The following RFWD3 variants were observed in gnomAD, a reference collection of about 807,000 sequenced individuals.
The protein encoded by RFWD3 is E3 ubiquitin-protein ligase RFWD3.
Under a neutral mutation model 87.7 loss-of-function variants are expected in RFWD3, and 65 were observed. The observed-to-expected ratio is 0.74, with a 90% CI of 0.61 to 0.91. RFWD3 has a LOEUF of 0.91. RFWD3 is among the 40% of genes least tolerant of loss of function. The probability of loss-of-function intolerance (pLI) is 0.00; values close to 1 mark genes in which losing one functional copy is unlikely to be tolerated. For missense variants in RFWD3, 1,078 were observed against 938.5 expected (o/e 1.15, Z -1.94); for synonymous variants, 433 against 352.8 (o/e 1.23, Z -2.55).
At chr16:74,637,017 C>T (rs910136550) in intron 7 of RFWD3, among the ~76,000 whole-genome samples, 1 of 149,752 alleles carries the variant, frequency 6.7e-6, no homozygotes, top group Non-Finnish European at 1.5e-5. Context: ...CCGGCCAGAA[C>T]TGCTGAGTTT....
chr16:74,626,618 C>A, intron 11 of RFWD3, 64 bp from the exon 12 acceptor site: 1 of 1,304,940 alleles, frequency 7.7e-7, no homozygotes, highest in Non-Finnish European at 1.1e-6. Flanking sequence ...ACCAAGTACC[C>A]AAACCTCACA....
intron 8 of RFWD3, among the ~76,000 whole-genome samples, chr16:74,634,815 A>G (rs1959180059): frequency 6.8e-6 from 1 of 148,014 alleles, no homozygotes. Flanking sequence ...AGGAAAAAAA[A>G]AGGGGGGAAG....
At chr16:74,637,708 T>G in intron 7 of RFWD3, 148 bp downstream of exon 7, 1 of 579,922 alleles carries the variant, frequency 1.7e-6, no homozygotes, top group Non-Finnish European at 3.2e-6. Context: ...ACAGATGCCC[T>G]AATCAGAAAT....
chr16:74,630,849 A>G lies in RFWD3; in HGVS notation c.1686T>C (p.Gly562=). ...ANYIYAGLAN[G]SILVYDVRNT... is the part of the protein sequence containing the mutation. The stretch of plus-strand genomic sequence containing the variant: ...TTCGCACGTCATATACCAGAATTGA[A>G]CCATTGGCCAGTCCAGCATAGATGT... The change falls in exon 10 of 13, where the codon GGT becomes GGC. Residue 562 remains glycine, a synonymous_variant. Coordinates refer to ENST00000361070, the MANE Select transcript of RFWD3 (RefSeq NM_018124.4). 2 of 1,613,916 alleles carry G rather than the reference A, an allele frequency of 1.2e-6. No individual in the cohort carries two copies. The highest frequency in any genetic ancestry group is 1.7e-6 in the Non-Finnish European group (2 of 1,179,936).
In RFWD3 at chr16:74,666,848, C is replaced by A. The variant is rs943030303; in HGVS notation, c.-65G>T. The A allele has an allele frequency of 6.6e-6, 1 of 152,456 alleles. No individual in the cohort carries two copies. The highest frequency in any genetic ancestry group is 1.9e-4 in the East Asian group (1 of 5,200). The allele number at this position is 152,456 out of a possible 1,614,324, so 9.4% of individuals were successfully genotyped here. On this transcript the variant is annotated 5_prime_UTR_variant, in exon 1 of 13. Coordinates refer to ENST00000361070, the MANE Select transcript of RFWD3 (RefSeq NM_018124.4). ...CCGAAGACTCGGTAGTTACCTCGGC[C>A]GCACTCCGAATGCACCTACGCCAAC...
At chr16:74,656,337 GA>G (rs1960986615) in intron 2 of RFWD3, among the ~76,000 whole-genome samples, 1 of 134,394 alleles carries the variant, frequency 7.4e-6, no homozygotes, top group African/African-American at 2.7e-5. Flanking sequence ...AAAAAGAAAA[GA>G]AAAGAAATAT....
chr16:74,643,182 T>C (rs1959804688), intron 6 of RFWD3, among the ~76,000 whole-genome samples: 1 of 152,178 alleles, frequency 6.6e-6, no homozygotes, highest in Admixed American at 6.5e-5. Flanking sequence ...ATAGGATCTA[T>C]GTTGGCCAGG....
At chr16:74,659,741 A>G (rs192284087) in intron 2 of RFWD3, among the ~76,000 whole-genome samples, 1 of 152,362 alleles carries the variant, frequency 6.6e-6, no homozygotes, top group Admixed American at 6.5e-5. Context: ...GATCCATGAA[A>G]AAGAATGCTG....
At chr16:74,631,518 G>A (rs569332596) in intron 9 of RFWD3, among the ~76,000 whole-genome samples, 238 of 151,818 alleles carry the variant, frequency 1.6e-3, no homozygotes, top group African/African-American at 5.6e-3. Flanking sequence ...ACTCTGGTAT[G>A]TAACATTTTT....
intron 1 of RFWD3, among the ~76,000 whole-genome samples, chr16:74,665,063 T>C (rs1428384321): frequency 6.6e-6 from 1 of 152,154 alleles, no homozygotes; most frequent in Non-Finnish European, 1.5e-5. Context: ...CTTGTCATCT[T>C]TGTTACTCAG....
At chr16:74,624,313 C>T (rs1958855239) in intron 12 of RFWD3, among the ~76,000 whole-genome samples, 1 of 152,194 alleles carries the variant, frequency 6.6e-6, no homozygotes, top group Non-Finnish European at 1.5e-5. Flanking sequence ...TAAAGCCCAG[C>T]TTCCATTCAT....
Position 74,661,162 on chromosome 16 carries a change from T to C in RFWD3, c.288A>G (p.Pro96=). ...LGEDTVENIN[P]RTSEQHRQGS... is the part of the protein sequence containing the mutation. ...CCTGCCTATGTTGTTCTGAAGTTCTTGGATTGATGTTCTCCACAGTGTCTT... is the reference window on the plus strand; with the variant it reads ...CCTGCCTATGTTGTTCTGAAGTTCTCGGATTGATGTTCTCCACAGTGTCTT... Residue 96 remains proline (P), a synonymous_variant, in exon 2 of 13, where the codon CCA becomes CCG. Coordinates refer to ENST00000361070, the MANE Select transcript of RFWD3 (RefSeq NM_018124.4). 2.5e-6 allele frequency: 4 copies of C among 1,614,242 alleles called. No homozygotes were observed. The highest frequency in any genetic ancestry group is 3.4e-6 in the Non-Finnish European group (4 of 1,180,040).
intron 4 of RFWD3, among the ~76,000 whole-genome samples, chr16:74,648,052 T>A (rs932294652): frequency 5.9e-5 from 9 of 152,126 alleles, no homozygotes; most frequent in African/African-American, 2.2e-4. Flanking sequence ...GCTCAAGTAA[T>A]CCTGTCTCAG....
chr16:74,649,314 CT>C (rs1960403513), intron 3 of RFWD3, 112 bp from the exon 4 acceptor site: 1 of 669,126 alleles, frequency 1.5e-6, no homozygotes, highest in Non-Finnish European at 2.5e-6. Context: ...CCATTTCTAA[CT>C]GACAGTGTTC....
At chr16:74,647,754 G>A (rs1483400307) in intron 4 of RFWD3, among the ~76,000 whole-genome samples, 1 of 151,692 alleles carries the variant, frequency 6.6e-6, no homozygotes, top group Non-Finnish European at 1.5e-5. Flanking sequence ...AACATACCCA[G>A]CTAATCTTTG....
Position 74,628,495 on chromosome 16 carries a change from C to A in RFWD3, c.1926G>T (p.Gln642His). ...GACAGTGCCGGGAGCTGTTCTCTGT[C>A]TGAAAGTCTATGCAGCCCCCTGGCT... Reference protein sequence around the residue: ...PLEPGGCIDFQTENSSRHCLV... With the variant: ...PLEPGGCIDFHTENSSRHCLV... The change falls in exon 11 of 13, where the codon CAG becomes CAT. Residue 642 changes from glutamine (Q) to histidine (H), a missense_variant. By Grantham distance (24) the Gln-to-His change is conservative. Coordinates refer to ENST00000361070, the MANE Select transcript of RFWD3 (RefSeq NM_018124.4). 2 of 1,614,174 alleles carry A rather than the reference C, an allele frequency of 1.2e-6. No homozygotes were observed. Among genetic ancestry groups the A allele is most frequent in the Non-Finnish European group, 1.7e-6 (2 of 1,180,026 alleles).
At chr16:74,651,062 T>C (rs1466637597) in intron 3 of RFWD3, among the ~76,000 whole-genome samples, 2 of 152,166 alleles carry the variant, frequency 1.3e-5, no homozygotes, top group African/African-American at 4.8e-5. Context: ...TTTTGGAAAA[T>C]TATATAAATA....
Position 74,636,471 on chromosome 16 carries a change from T to C in RFWD3, c.1301A>G (p.His434Arg). ...CSPSSQGQHKHKYHFQKTFTV... is the reference protein window; with the variant it reads ...CSPSSQGQHKRKYHFQKTFTV... ...GAAGGTCTTTTGGAAGTGGTACTTG[T>C]GCTTGTGCTGGCCCTGGCTGGAGGG... Residue 434 changes from histidine to arginine, a missense_variant, in exon 8 of 13, where the codon CAC (histidine) becomes CGC (arginine). Transcript: ENST00000361070. The C allele has an allele frequency of 6.2e-7, 1 of 1,614,154 alleles. No individual in the cohort carries two copies. Among genetic ancestry groups the C allele is most frequent in the South Asian group, 1.1e-5 (1 of 91,080 alleles).
chr16:74,633,901 G>A (rs1401682103), intron 8 of RFWD3, among the ~76,000 whole-genome samples: 1 of 151,034 alleles, frequency 6.6e-6, no homozygotes, highest in Non-Finnish European at 1.5e-5. Flanking sequence ...AATGAGCTGA[G>A]ATCACACCCC....
Sources: gnomAD v4.1 joint callset for allele counts (sites outside exome capture counted in the v4.1 genomes callset) on GRCh38, gnomAD v4.1.1 for gene constraint, MANE v1.5 for transcripts, NCBI Gene and HGNC (gene_info 2026-07-23, HGNC 2026-07-21) for gene names.